CSMD1: variants seen among roughly 807,000 people sequenced by gnomAD.
CSMD1 encodes the protein CUB and Sushi multiple domains 1.
CSMD1 carries 213 observed loss-of-function variants against 417.5 expected under a neutral mutation model. The ratio of observed to expected loss-of-function variants is 0.51; its 90% CI spans 0.46 to 0.57. The LOEUF (loss-of-function observed/expected upper bound fraction) is 0.57. Among genes scored for constraint, CSMD1 ranks in the 20% least tolerant of loss-of-function variants. CSMD1 has a pLI of 0.00. For missense variants in CSMD1, 6,923 were observed against 4,529.7 expected (o/e 1.53, Z -15.17); for synonymous variants, 2,862 against 1,736.8 (o/e 1.65, Z -16.11).
chr8:3,314,249 T>C (rs1805582180), intron 23 of CSMD1, among the ~76,000 whole-genome samples: 1 of 151,936 alleles, frequency 6.6e-6, no homozygotes, highest in South Asian at 2.1e-4. Flanking sequence ...TAAAGTATAA[T>C]AAAAAAATAA....
chr8:4,063,973 T>C (rs1172079077), intron 3 of CSMD1, among the ~76,000 whole-genome samples: 6 of 151,364 alleles, frequency 4.0e-5, no homozygotes. Flanking sequence ...AAAAAGAGAG[T>C]GTGTGTTGGG....
intron 10 of CSMD1, among the ~76,000 whole-genome samples, chr8:3,538,672 T>A (rs1162789372): frequency 2.0e-5 from 3 of 152,248 alleles, no homozygotes; most frequent in Admixed American, 6.5e-5. Context: ...GGCCTTTTCT[T>A]CCTTAGCAAC....
chr8:4,048,611 C>T (rs1454148743), intron 3 of CSMD1, among the ~76,000 whole-genome samples: 1 of 152,178 alleles, frequency 6.6e-6, no homozygotes, highest in South Asian at 2.1e-4. Context: ...CAGCACACAC[C>T]AAACAGGTAA....
intron 10 of CSMD1, among the ~76,000 whole-genome samples, chr8:3,552,609 A>G (rs1226967596): frequency 6.6e-6 from 1 of 152,184 alleles, no homozygotes; most frequent in East Asian, 1.9e-4. Flanking sequence ...AGGAATTAAG[A>G]GGACTCAAGT....
At chr8:3,532,413 G>C (rs918277421) in intron 10 of CSMD1, among the ~76,000 whole-genome samples, 8 of 152,130 alleles carry the variant, frequency 5.3e-5, no homozygotes, top group African/African-American at 9.7e-5. Flanking sequence ...CTAGAAGAAA[G>C]ATGGACTTGT....
intron 3 of CSMD1, among the ~76,000 whole-genome samples, chr8:4,068,914 TA>T: frequency 6.6e-6 from 1 of 152,340 alleles, no homozygotes. Context: ...AACCAAATAA[TA>T]ATTATAATTT....
intron 10 of CSMD1, among the ~76,000 whole-genome samples, chr8:3,503,090 G>A (rs1023424890): frequency 6.6e-6 from 1 of 152,018 alleles, no homozygotes; most frequent in Non-Finnish European, 1.5e-5. Flanking sequence ...ACACATATAA[G>A]CTTTTATATC....
intron 1 of CSMD1, among the ~76,000 whole-genome samples, chr8:4,805,917 T>G (rs1372215421): frequency 1.3e-5 from 2 of 152,172 alleles, no homozygotes; most frequent in Non-Finnish European, 2.9e-5. Flanking sequence ...CGATGGCTTG[T>G]GGACCTCAGA....
intron 5 of CSMD1, among the ~76,000 whole-genome samples, chr8:3,851,778 C>T (rs2129100323): frequency 6.6e-6 from 1 of 152,176 alleles, no homozygotes; most frequent in African/African-American, 2.4e-5. Context: ...AAGGAAGTGA[C>T]CACAAGTCAG....
At chr8:3,799,396 C>T (rs1457959650) in intron 5 of CSMD1, among the ~76,000 whole-genome samples, 1 of 97,066 alleles carries the variant, frequency 1.0e-5, no homozygotes, top group African/African-American at 4.1e-5. Flanking sequence ...TCCCTCCCCC[C>T]TCCCCCCACC....
intron 12 of CSMD1, among the ~76,000 whole-genome samples, chr8:3,419,619 C>A (rs1356156680): frequency 1.3e-5 from 2 of 151,978 alleles, no homozygotes; most frequent in Non-Finnish European, 2.9e-5. Flanking sequence ...AGATTCGTAA[C>A]CCCTTTTATC....
At chr8:4,480,432 T>A (rs777085797) in intron 2 of CSMD1, among the ~76,000 whole-genome samples, 56 of 152,254 alleles carry the variant, frequency 3.7e-4, no homozygotes, top group Non-Finnish European at 6.8e-4. Context: ...TTATCTCGAG[T>A]CTATTGCGAG....
At chr8:3,287,224 G>A (rs949036445) in intron 25 of CSMD1, among the ~76,000 whole-genome samples, 1 of 148,672 alleles carries the variant, frequency 6.7e-6, no homozygotes, top group Non-Finnish European at 1.5e-5. Context: ...ACAGTTTGAA[G>A]TCAGGTAGGG....
intron 1 of CSMD1, among the ~76,000 whole-genome samples, chr8:4,692,760 C>A (rs1253164832): frequency 6.6e-6 from 1 of 152,200 alleles, no homozygotes; most frequent in Non-Finnish European, 1.5e-5. Context: ...ATGCCTAATT[C>A]TAGTTCCTAT....
At chr8:3,042,439 T>A (rs771348780) in intron 50 of CSMD1, among the ~76,000 whole-genome samples, 1 of 152,180 alleles carries the variant, frequency 6.6e-6, no homozygotes, top group Non-Finnish European at 1.5e-5. Flanking sequence ...CTAAATGTAT[T>A]TATCATCTGC....
chr8:4,711,071 G>A (rs762018272), intron 1 of CSMD1, among the ~76,000 whole-genome samples: 4 of 151,186 alleles, frequency 2.6e-5, no homozygotes, highest in Non-Finnish European at 5.9e-5. Context: ...ATCATGACAT[G>A]ATATTTCAGA....
Position 3,188,965 on chromosome 8 carries a change from G to A in CSMD1, c.5445C>T (p.Ser1815=), listed in dbSNP as rs868286788. The change falls in exon 35 of 70, where the codon TCC becomes TCT. Residue 1815 remains serine (S), a synonymous_variant. Coordinates refer to ENST00000635120, the MANE Select transcript of CSMD1 (RefSeq NM_033225.6). ...NFTQRRGTIL[S]PGYPEPYGNN... The stretch of plus-strand genomic sequence containing the variant: ...TTCCGTATGGCTCAGGGTAGCCGGG[G>A]GACAGGATTGTACCTCTTCGTTGAG... 1.2e-6 allele frequency: 2 copies of A among 1,613,184 alleles called. No homozygotes were observed. The highest frequency in any genetic ancestry group is 1.7e-6 in the Non-Finnish European group (2 of 1,179,472).
intron 8 of CSMD1, among the ~76,000 whole-genome samples, chr8:3,590,085 T>C (rs1465367780): frequency 1.3e-5 from 2 of 151,832 alleles, no homozygotes; most frequent in African/African-American, 4.8e-5. Flanking sequence ...AAAATATATG[T>C]AGCAATAAAG....
At chr8:4,800,980 C>A (rs371883613) in intron 1 of CSMD1, among the ~76,000 whole-genome samples, 1 of 152,148 alleles carries the variant, frequency 6.6e-6, no homozygotes, top group Admixed American at 6.5e-5. Flanking sequence ...TTAGTTTTAT[C>A]CCAAGTTGTA....
Sources: allele counts gnomAD v4.1 joint callset (sites outside exome capture counted in the v4.1 genomes callset), GRCh38; gene constraint gnomAD v4.1.1; transcripts MANE v1.5; gene names NCBI Gene and HGNC (gene_info 2026-07-23, HGNC 2026-07-21).